CTPS2: variants seen among roughly 807,000 people sequenced by gnomAD.
The protein encoded by CTPS2 is CTP synthase II.
Under a neutral mutation model 46.8 loss-of-function variants are expected in CTPS2, and 19 were observed. That is an observed-to-expected ratio of 0.41 (90% CI 0.28 to 0.60). The LOEUF (loss-of-function observed/expected upper bound fraction) is 0.60. CTPS2 is among the 20% of genes least tolerant of loss of function. CTPS2 has a pLI of 0.35. For synonymous variants in CTPS2, 151 were observed against 165.2 expected (o/e 0.91, Z 0.66); for missense variants, 286 against 447.6 (o/e 0.64, Z 3.26).
intron 14 of CTPS2, among the ~76,000 whole-genome samples, chrX:16,636,255 C>T (rs1354475296): frequency 9.0e-6 from 1 of 111,240 alleles, no homozygotes; most frequent in East Asian, 2.8e-4. Context: ...ATCAGCCAGG[C>T]GTGGTAGTGG....
chrX:16,667,690 C>T lies in CTPS2; in HGVS notation c.1224G>A (p.Glu408=). The change falls in exon 12 of 19, where the codon GAG becomes GAA. Residue 408 remains glutamate, a synonymous_variant. Transcript: ENST00000359276. ...VCLGMQLAVI[E]FARNCLNLKD... ...TCAAGTTAAGGCAGTTTCTTGCAAACTCTATCACTGCTAGTTGCATCCCAA... is the reference window on the plus strand; with the variant it reads ...TCAAGTTAAGGCAGTTTCTTGCAAATTCTATCACTGCTAGTTGCATCCCAA... The T allele has an allele frequency of 8.3e-7, 1 of 1,211,163 alleles. No individual in the cohort carries two copies. The highest frequency in any genetic ancestry group is 1.1e-6 in the Non-Finnish European group (1 of 895,156).
At chrX:16,690,198 C>T (rs1923582415) in intron 7 of CTPS2, among the ~76,000 whole-genome samples, 1 of 109,449 alleles carries the variant, frequency 9.1e-6, no homozygotes, top group South Asian at 3.9e-4. Flanking sequence ...TGGTGAAACC[C>T]CATCTCTACT....
intron 16 of CTPS2, among the ~76,000 whole-genome samples, chrX:16,613,167 C>T (rs772283396): frequency 1.1e-4 from 12 of 112,223 alleles, no homozygotes; most frequent in South Asian, 7.4e-4. Context: ...GGTTAGAAGA[C>T]GCACAGGCAA....
At chrX:16,665,352 A>G (rs1921085379) in intron 13 of CTPS2, among the ~76,000 whole-genome samples, 1 of 112,754 alleles carries the variant, frequency 8.9e-6, no homozygotes, top group African/African-American at 3.2e-5. Flanking sequence ...GTTAGTCACA[A>G]TGCCAAAAAG....
At chrX:16,687,741 T>A (rs983358619) in intron 8 of CTPS2, among the ~76,000 whole-genome samples, 3 of 110,678 alleles carry the variant, frequency 2.7e-5, no homozygotes, top group African/African-American at 9.9e-5. Context: ...AAGCATTTTT[T>A]AAAATTGTAA....
chrX:16,622,273 G>A (rs184346866), intron 14 of CTPS2, among the ~76,000 whole-genome samples: 26 of 108,438 alleles, frequency 2.4e-4, no homozygotes, highest in African/African-American at 6.7e-4. Context: ...GTGGTGGTGC[G>A]CACCTGTAAT....
chrX:16,620,255 T>G, intron 15 of CTPS2, 22 bp downstream of exon 15: 2 of 1,163,214 alleles, frequency 1.7e-6, no homozygotes, highest in Non-Finnish European at 2.3e-6. Flanking sequence ...TATTCCCCAG[T>G]AATTCAGCAT....
chrX:16,620,771 G>A (rs112879615), intron 14 of CTPS2, among the ~76,000 whole-genome samples: 1,449 of 112,147 alleles, frequency 0.013, 19 homozygotes, highest in African/African-American at 0.044. Context: ...AGCGGAGCCT[G>A]TTCTTGATCC....
At chrX:16,621,238 G>A (rs17217318) in intron 14 of CTPS2, among the ~76,000 whole-genome samples, 1,739 of 94,725 alleles carry the variant, frequency 0.018, 29 homozygotes, top group Middle Eastern at 0.058. Flanking sequence ...AATAGGAGTC[G>A]GATCCATCAC....
intron 8 of CTPS2, 63 bp downstream of exon 8, chrX:16,689,387 T>A: frequency 9.0e-7 from 1 of 1,112,287 alleles, no homozygotes; most frequent in Non-Finnish European, 1.2e-6. Context: ...TTCAAGTAGG[T>A]CTTAGTTCTA....
chrX:16,697,492 C>T (rs1021505399), intron 4 of CTPS2, among the ~76,000 whole-genome samples: 3 of 95,378 alleles, frequency 3.1e-5, no homozygotes, highest in Admixed American at 1.3e-4. Context: ...ATCACCCAGG[C>T]TGAAGTGCTG....
chrX:16,606,089 C>A lies in CTPS2; in HGVS notation c.1691+3452G>T, dbSNP rs778366700. ...TCCGCTAGGCAGAATGCGGAGGTTA[C>A]ACCTCAGGTACGCTTAACTCAAAGG... is the stretch of plus-strand genomic sequence containing the variant. On this transcript the variant is annotated intron_variant, in intron 17 of 18. Coordinates refer to ENST00000359276, the MANE Select transcript of CTPS2 (RefSeq NM_175859.3). Among the ~76,000 whole-genome samples the A allele has an allele frequency of 2.7e-5, 3 of 112,535 alleles. No individual in the cohort carries two copies. The South Asian group carries it at 1.1e-3, about 42-fold the overall frequency.
At chrX:16,606,681 A>C in intron 17 of CTPS2, among the ~76,000 whole-genome samples, 1 of 111,664 alleles carries the variant, frequency 9.0e-6, no homozygotes, top group Non-Finnish European at 1.9e-5. Flanking sequence ...CTTGGTTAAG[A>C]GGTCTTTCCT....
At chrX:16,605,841 T>C (rs940795446) in intron 17 of CTPS2, among the ~76,000 whole-genome samples, 1 of 113,052 alleles carries the variant, frequency 8.8e-6, no homozygotes, top group Admixed American at 9.3e-5. Flanking sequence ...CTTATTTTGA[T>C]TTTGCATGTA....
chrX:16,644,419 T>A (rs1457293622), intron 13 of CTPS2, among the ~76,000 whole-genome samples: 2 of 111,788 alleles, frequency 1.8e-5, no homozygotes, highest in Non-Finnish European at 3.8e-5. Context: ...ATTACAGGAA[T>A]TAGCCACCAT....
chrX:16,598,045 G>T (rs1168698299), intron 17 of CTPS2, among the ~76,000 whole-genome samples: 1 of 109,020 alleles, frequency 9.2e-6, no homozygotes, highest in Non-Finnish European at 1.9e-5. Context: ...CATTGATTTT[G>T]TATCCTGAGA....
chrX:16,670,508 T>C, intron 11 of CTPS2, 72 bp downstream of exon 11: 1 of 793,665 alleles, frequency 1.3e-6, no homozygotes. Flanking sequence ...ATAACAAACC[T>C]TTAGTGTTAC....
intron 7 of CTPS2, among the ~76,000 whole-genome samples, chrX:16,689,985 G>A (rs914324908): frequency 7.3e-5 from 8 of 109,727 alleles, no homozygotes; most frequent in Non-Finnish European, 1.5e-4. Context: ...CCAGGAGGCG[G>A]AGGTTGCAGT....
intron 14 of CTPS2, among the ~76,000 whole-genome samples, chrX:16,621,729 G>C (rs1468991981): frequency 9.0e-6 from 1 of 111,624 alleles, no homozygotes; most frequent in African/African-American, 3.3e-5. Flanking sequence ...ACATCATGAG[G>C]CTGGAACAGG....
Sources: allele counts gnomAD v4.1 joint callset (sites outside exome capture counted in the v4.1 genomes callset), GRCh38; gene constraint gnomAD v4.1.1; transcripts MANE v1.5; gene names NCBI Gene and HGNC (gene_info 2026-07-23, HGNC 2026-07-21).